Variants in RBBP8 observed in about 807,000 individuals in gnomAD.
RBBP8 encodes DNA endonuclease RBBP8.
A neutral mutation model predicts 108.3 loss-of-function variants in RBBP8; 88 were observed. The ratio of observed to expected loss-of-function variants is 0.81; its 90% CI spans 0.68 to 0.97. RBBP8 has a LOEUF of 0.97. RBBP8 is among the 50% of genes least tolerant of loss of function. RBBP8 has a pLI of 0.00. For synonymous variants in RBBP8, 332 were observed against 348.2 expected (o/e 0.95, Z 0.52); for missense variants, 1,023 against 1,049.0 (o/e 0.98, Z 0.34).
rs78439784 is a variant in RBBP8 at position 22,997,826 on chromosome 18, T to C, written c.2143+92T>C. 22,559 of 889,662 alleles carry C rather than the reference T, an allele frequency of 0.025. 581 individuals carry two copies. The highest frequency in any genetic ancestry group is 0.068 in the African/African-American group (4,100 of 59,886). The allele number at this position is 889,662 out of a possible 1,614,324, so 55.1% of individuals were successfully genotyped here. A position where few individuals can be genotyped will look rare whatever the true frequency, so the allele number is the denominator to read the frequency against. On this transcript the variant is annotated intron_variant, in intron 14 of 18. Transcript: ENST00000327155. ...GCACTGATTAGCTCAAGTGACCTCT[T>C]CACCATAAAGCAGGTTTTTTCCTGC...
intron 2 of RBBP8, among the ~76,000 whole-genome samples, chr18:22,946,174 T>C (rs1163188228): frequency 2.0e-5 from 3 of 152,202 alleles, no homozygotes; most frequent in African/African-American, 7.2e-5. Context: ...ACAGTGAACT[T>C]CTAATTATAT....
intron 3 of RBBP8, among the ~76,000 whole-genome samples, chr18:22,921,964 T>C (rs1909613187): frequency 6.6e-6 from 1 of 152,198 alleles, no homozygotes; most frequent in Non-Finnish European, 1.5e-5. Context: ...GTAACACTTT[T>C]CATTACAGTG....
At chr18:22,952,991 G>T (rs12964175) in intron 4 of RBBP8, among the ~76,000 whole-genome samples, 146,958 of 152,334 alleles carry the variant, frequency 0.96, 71,112 homozygotes, top group East Asian at 1. Flanking sequence ...TATTAATAAC[G>T]AAATATGTTA....
At chr18:22,977,295 A>C (rs944463809) in intron 6 of RBBP8, among the ~76,000 whole-genome samples, 4 of 151,968 alleles carry the variant, frequency 2.6e-5, no homozygotes, top group African/African-American at 9.7e-5. Flanking sequence ...ATATTATGCT[A>C]TTTGTGCCTG....
chr18:22,974,568 T>C (rs987400385), intron 5 of RBBP8, among the ~76,000 whole-genome samples: 1 of 152,160 alleles, frequency 6.6e-6, no homozygotes, highest in Non-Finnish European at 1.5e-5. Context: ...TTCAAATGAT[T>C]CTCCTGCCTC....
chr18:22,971,411 G>A (rs1487086630), intron 5 of RBBP8, among the ~76,000 whole-genome samples: 2 of 152,104 alleles, frequency 1.3e-5, no homozygotes, highest in Non-Finnish European at 1.5e-5. Context: ...GGCCTAAGGG[G>A]CTTTAGAATA....
chr18:23,015,766 C>T (rs980327363), intron 16 of RBBP8, among the ~76,000 whole-genome samples: 1 of 152,140 alleles, frequency 6.6e-6, no homozygotes, highest in Non-Finnish European at 1.5e-5. Flanking sequence ...AATCAGTTGA[C>T]TATAGAGGCA....
chr18:23,009,799 G>A (rs1225655018), intron 16 of RBBP8, among the ~76,000 whole-genome samples: 1 of 152,124 alleles, frequency 6.6e-6, no homozygotes, highest in African/African-American at 2.4e-5. Context: ...GTCTTGCTCT[G>A]TCACCAGGCT....
intron 6 of RBBP8, among the ~76,000 whole-genome samples, chr18:22,975,658 C>T (rs556369965): frequency 6.6e-6 from 1 of 151,812 alleles, no homozygotes; most frequent in East Asian, 1.9e-4. Context: ...AGAATAAAAC[C>T]AGTAACTTTT....
rs1913853077 is a variant in RBBP8, at chr18:22,968,890, G to C, written c.333G>C (p.Gln111His). The change falls in exon 5 of 19, where the codon CAG becomes CAC. Residue 111 changes from glutamine (Q) to histidine (H), a missense_variant. Coordinates refer to ENST00000327155, the MANE Select transcript of RBBP8 (RefSeq NM_002894.3). ...KKQQEFENIR[Q>H]QNLKLITELM... ...AGCAAGAGTTTGAAAATATCCGGCA[G>C]CAGAATCTTAAACTTATTACAGAAC... 1 of 1,612,670 alleles carries C rather than the reference G, an allele frequency of 6.2e-7. No homozygotes were observed. The highest frequency in any genetic ancestry group is 1.1e-5 in the South Asian group (1 of 91,042).
In RBBP8 at chr18:22,981,559, G is replaced by C. The variant is rs114588060; in HGVS notation, c.429-659G>C. On this transcript the variant is annotated intron_variant, in intron 6 of 18. Transcript: ENST00000327155. Reference sequence around the variant, plus strand: ...TTAAACTCATAATTTAAATAGTGCCGGGCAGTGTAAACACATAACAAAAAT... The same window carrying C: ...TTAAACTCATAATTTAAATAGTGCCCGGCAGTGTAAACACATAACAAAAAT... Among the ~76,000 whole-genome samples, 1,281 of 152,172 alleles carry C rather than the reference G, an allele frequency of 8.4e-3. 21 individuals are homozygous for C. Among genetic ancestry groups the C allele is most frequent in the African/African-American group, 0.03 (1,234 of 41,524 alleles).
intron 3 of RBBP8, among the ~76,000 whole-genome samples, chr18:22,921,188 G>A (rs1230868114): frequency 1.3e-5 from 2 of 152,164 alleles, no homozygotes; most frequent in Admixed American, 6.5e-5. Flanking sequence ...AGAAACAGGA[G>A]TAAGGGATTA....
intron 14 of RBBP8, 117 bp from the exon 15 acceptor site, chr18:23,001,469 A>C (rs2045945708): frequency 1.7e-6 from 2 of 1,160,496 alleles, no homozygotes; most frequent in Non-Finnish European, 2.6e-6. Flanking sequence ...CCGTATTTTA[A>C]GAAGTGTCTT....
intron 15 of RBBP8, among the ~76,000 whole-genome samples, chr18:23,005,318 GA>G (rs1265151921): frequency 2.0e-5 from 3 of 152,234 alleles, no homozygotes; most frequent in African/African-American, 7.2e-5. Context: ...ACAAATGTTT[GA>G]GGTGACAGAT....
Position 22,993,388 on chromosome 18 carries a change from C to T in RBBP8, c.1561C>T (p.Leu521Phe). ...TSKNKFRQVT[L>F]YEALKTIPKG... ...TAAAAACAAATTTAGGCAAGTGACT[C>T]TTTATGAGGCTTTGAAGACCATTCC... is the stretch of plus-strand genomic sequence containing the variant. Residue 521 changes from leucine (L) to phenylalanine (F), a missense_variant, in exon 11 of 19, where the codon CTT becomes TTT. Coordinates refer to ENST00000327155, the MANE Select transcript of RBBP8 (RefSeq NM_002894.3). 2.5e-6 allele frequency: 4 copies of T among 1,614,224 alleles called. No homozygotes were observed. The highest frequency in any genetic ancestry group is 1.3e-5 in the African/African-American group (1 of 75,070).
Position 22,968,909 on chromosome 18 carries a change from A to G in RBBP8, c.352A>G (p.Thr118Ala), listed in dbSNP as rs780122173. ...CCGGCAGCAGAATCTTAAACTTATTACAGAACTTAGTGAGTTTCCTTTCTT... is the reference window on the plus strand; with the variant it reads ...CCGGCAGCAGAATCTTAAACTTATTGCAGAACTTAGTGAGTTTCCTTTCTT... ...NIRQQNLKLI[T>A]ELMNERNTLQ... is the part of the protein sequence containing the mutation. The change falls in exon 5 of 19, where the codon ACA (threonine) becomes GCA (alanine). Residue 118 changes from threonine (T) to alanine (A), a missense_variant. Coordinates refer to ENST00000327155, the MANE Select transcript of RBBP8 (RefSeq NM_002894.3). The G allele has an allele frequency of 1.2e-6, 2 of 1,607,596 alleles. No homozygotes were observed. The highest frequency in any genetic ancestry group is 2.2e-5 in the East Asian group (1 of 44,702).
intron 3 of RBBP8, among the ~76,000 whole-genome samples, chr18:22,922,052 T>G (rs1290133052): frequency 6.6e-6 from 1 of 152,186 alleles, no homozygotes; most frequent in Non-Finnish European, 1.5e-5. Context: ...TAATTCATTA[T>G]AACCTATAAT....
At chr18:22,952,250 A>C (rs925235042) in intron 4 of RBBP8, among the ~76,000 whole-genome samples, 1 of 152,204 alleles carries the variant, frequency 6.6e-6, no homozygotes, top group Non-Finnish European at 1.5e-5. Context: ...GTCTATCCAA[A>C]TGGAAATGTC....
At chr18:23,015,217 A>G (rs557038864) in intron 16 of RBBP8, among the ~76,000 whole-genome samples, 6 of 152,214 alleles carry the variant, frequency 3.9e-5, no homozygotes, top group Admixed American at 1.3e-4. Flanking sequence ...TCTCATAAAT[A>G]GGATGGCAAA....
Sources: allele counts gnomAD v4.1 joint callset (sites outside exome capture counted in the v4.1 genomes callset), GRCh38; gene constraint gnomAD v4.1.1; transcripts MANE v1.5; gene names NCBI Gene and HGNC (gene_info 2026-07-23, HGNC 2026-07-21).